Variants in MAST4 observed in about 807,000 individuals in gnomAD.
MAST4 encodes the protein microtubule-associated serine/threonine-protein kinase 4.
Under a neutral mutation model 162.7 loss-of-function variants are expected in MAST4, and 89 were observed. That is an observed-to-expected ratio of 0.55 (90% CI 0.46 to 0.65). MAST4 has a LOEUF of 0.65. Among genes scored for constraint, MAST4 ranks in the 30% least tolerant of loss-of-function variants. The pLI is 0.00. For missense variants in MAST4, 3,153 were observed against 3,374.0 expected, an observed-to-expected ratio of 0.93 and a Z score of 1.62; for synonymous variants, 1,479 against 1,361.1, an observed-to-expected ratio of 1.09 and a Z score of -1.91.
intron 3 of MAST4, among the ~76,000 whole-genome samples, chr5:66,837,293 A>T (rs537075147): frequency 9.9e-5 from 15 of 152,162 alleles, no homozygotes; most frequent in Non-Finnish European, 1.3e-4. Context: ...CATCATTATC[A>T]TCTAAAATAA....
chr5:66,932,574 T>C (rs1421777091), intron 4 of MAST4, among the ~76,000 whole-genome samples: 1 of 152,200 alleles, frequency 6.6e-6, no homozygotes, highest in Non-Finnish European at 1.5e-5. Flanking sequence ...GCATGGCTGA[T>C]TCTTATTTAA....
chr5:66,913,450 T>C (rs188086063), intron 4 of MAST4, among the ~76,000 whole-genome samples: 260 of 152,368 alleles, frequency 1.7e-3, no homozygotes, highest in African/African-American at 5.8e-3. Context: ...ATAGCATATG[T>C]CAATCATTTA....
At chr5:66,635,239 A>G (rs532570576) in intron 1 of MAST4, among the ~76,000 whole-genome samples, 38 of 152,122 alleles carry the variant, frequency 2.5e-4, no homozygotes, top group African/African-American at 9.2e-4. Flanking sequence ...GCCAGAGTGA[A>G]AGAGCTCTGG....
At chr5:67,001,378 C>T (rs2150316260) in intron 4 of MAST4, 1 of 152,148 alleles carries the variant, frequency 6.6e-6, no homozygotes, top group East Asian at 1.9e-4. Context: ...CATTCTGGTT[C>T]CTCATGTACT....
At chr5:67,054,558 A>C in intron 5 of MAST4, 66 bp downstream of exon 5, 2 of 1,361,238 alleles carry the variant, frequency 1.5e-6, no homozygotes, top group South Asian at 1.3e-5. Flanking sequence ...AAAATAATTA[A>C]TGCATTTTGA....
At chr5:66,744,160 C>G (rs924659313) in intron 1 of MAST4, among the ~76,000 whole-genome samples, 2 of 152,172 alleles carry the variant, frequency 1.3e-5, no homozygotes, top group Non-Finnish European at 2.9e-5. Context: ...GCCCCTCCAT[C>G]CCCCAGAGAC....
chr5:66,664,482 A>G (rs10078227), intron 1 of MAST4, among the ~76,000 whole-genome samples: 75,118 of 142,676 alleles, frequency 0.53, 21,193 homozygotes, highest in African/African-American at 0.72. Context: ...TTTAGTTTTG[A>G]CCATATTAAC....
intron 1 of MAST4, among the ~76,000 whole-genome samples, chr5:66,685,517 C>G (rs1034706460): frequency 1.3e-5 from 2 of 151,792 alleles, no homozygotes; most frequent in African/African-American, 4.8e-5. Flanking sequence ...GAATTTTCTC[C>G]TAAAAGAAAT....
In MAST4 at chr5:67,149,410, T is replaced by C; in HGVS notation, c.3116T>C (p.Leu1039Ser). Residue 1039 changes from leucine (L) to serine (S), a missense_variant, in exon 24 of 29, where the codon TTG becomes TCG. Physicochemically the swap from Leu to Ser is moderately radical, Grantham distance 145 (BLOSUM62 -2). Coordinates refer to ENST00000403625, the MANE Select transcript of MAST4 (RefSeq NM_001164664.2). Reference sequence around the variant, plus strand: ...ACAGTTGGCAGTTTTTCAGAGCACTTGGATCAGATAAATGGACGAAGCGAG... The same window carrying C: ...ACAGTTGGCAGTTTTTCAGAGCACTCGGATCAGATAAATGGACGAAGCGAG... ...TLSVGSFSEH[L>S]DQINGRSECV... 1 of 1,613,180 alleles carries C rather than the reference T, an allele frequency of 6.2e-7. No homozygotes were observed. Among genetic ancestry groups the C allele is most frequent in the South Asian group, 1.1e-5 (1 of 90,754 alleles).
chr5:66,800,290 C>A lies in MAST4; in HGVS notation c.642+11496C>A, dbSNP rs1755853863. Among the ~76,000 whole-genome samples, 4 of 152,054 alleles carry A rather than the reference C, an allele frequency of 2.6e-5. No individual in the cohort carries two copies. The South Asian group carries it at 8.3e-4, about 32-fold the overall frequency. ...TGCCTTTAAAAAATAAAAAGGCATT[C>A]TTTTAGTTACATTTTGGTAGATGGG... On this transcript the variant is annotated intron_variant, in intron 3 of 28. Transcript: ENST00000403625.
At chr5:67,108,210 A>G (rs1284192984) in intron 10 of MAST4, among the ~76,000 whole-genome samples, 1 of 152,192 alleles carries the variant, frequency 6.6e-6, no homozygotes. Flanking sequence ...CAAAATTCTC[A>G]TTTCTCTTTG....
chr5:66,783,021 A>G (rs970234435), intron 2 of MAST4, among the ~76,000 whole-genome samples: 9 of 152,146 alleles, frequency 5.9e-5, no homozygotes, highest in Admixed American at 2.6e-4. Context: ...TCTTTTCTCT[A>G]TTAACACTAA....
At chr5:66,928,004 T>A (rs182196087) in intron 4 of MAST4, among the ~76,000 whole-genome samples, 2 of 152,206 alleles carry the variant, frequency 1.3e-5, no homozygotes, top group Non-Finnish European at 2.9e-5. Flanking sequence ...TGTACGTCTA[T>A]CCCTGTGTCA....
At chr5:66,897,740 G>T (rs1000826512) in intron 3 of MAST4, among the ~76,000 whole-genome samples, 8 of 152,186 alleles carry the variant, frequency 5.3e-5, no homozygotes, top group Non-Finnish European at 2.9e-5. Context: ...CTGCCATCCC[G>T]TGGAGCAGCA....
At chr5:66,959,237 A>G (rs773485212) in intron 4 of MAST4, 1 of 779,592 alleles carries the variant, frequency 1.3e-6, no homozygotes, top group African/African-American at 1.7e-5. Context: ...GTGTGCTAAC[A>G]TATAACAACC....
At chr5:66,676,071 A>T (rs1296311908) in intron 1 of MAST4, among the ~76,000 whole-genome samples, 3 of 152,230 alleles carry the variant, frequency 2.0e-5, no homozygotes, top group African/African-American at 7.2e-5. Flanking sequence ...GGACACACTC[A>T]AGAATGCTTT....
chr5:66,799,112 G>A (rs1267314778), intron 3 of MAST4, among the ~76,000 whole-genome samples: 4 of 152,166 alleles, frequency 2.6e-5, no homozygotes. Flanking sequence ...TGCTTCTGGA[G>A]TTTGTCAGAA....
rs1762183997 is a variant in MAST4, at chr5:67,078,916, ATATAT to A, written c.764-11245_764-11241del. Reference sequence around the variant, plus strand: ...TATTTATATATTTTTATATAAATATATATATATATATATATATATATATATATATA... The same window carrying A: ...TATTTATATATTTTTATATAAATATAATATATATATATATATATATATATA... On this transcript the variant is annotated intron_variant, in intron 5 of 28. Transcript: ENST00000403625. Among the ~76,000 whole-genome samples the A allele has an allele frequency of 3.3e-3, 220 of 65,682 alleles. 10 individuals are homozygous for A. The highest frequency in any genetic ancestry group is 5.4e-3 in the East Asian group (12 of 2,226). The allele number at this position is 65,682 out of a possible 152,430, so 43.1% of individuals were successfully genotyped here.
At chr5:66,917,027 A>G (rs536395548) in intron 4 of MAST4, 4 of 717,984 alleles carry the variant, frequency 5.6e-6, no homozygotes, top group South Asian at 4.4e-5. Flanking sequence ...CGGTATGTGT[A>G]TTTCTAATTT....
Sources: allele counts gnomAD v4.1 joint callset (sites outside exome capture counted in the v4.1 genomes callset), GRCh38; gene constraint gnomAD v4.1.1; transcripts MANE v1.5; gene names NCBI Gene and HGNC (gene_info 2026-07-23, HGNC 2026-07-21).